Variants in LRRC63 observed in about 807,000 individuals in gnomAD.
LRRC63 encodes leucine-rich repeat-containing protein 63.
A neutral mutation model predicts 49.5 loss-of-function variants in LRRC63; 40 were observed. The ratio of observed to expected loss-of-function variants is 0.81; its 90% CI spans 0.63 to 1.05. The LOEUF is 1.05. Among genes scored for constraint, LRRC63 ranks in the 50% least tolerant of loss-of-function variants. The pLI is 0.00. For missense variants in LRRC63, 636 were observed against 663.1 expected (o/e 0.96, Z 0.45); for synonymous variants, 191 against 221.1 (o/e 0.86, Z 1.21).
intron 7 of LRRC63, among the ~76,000 whole-genome samples, chr13:46,257,823 T>C (rs1258817498): frequency 6.6e-6 from 1 of 152,232 alleles, no homozygotes; most frequent in Non-Finnish European, 1.5e-5. Flanking sequence ...TTGTTTATTT[T>C]GGTGGCTAAG....
At chr13:46,276,542 T>A (rs954900864) in intron 9 of LRRC63, 48 bp from the exon 10 acceptor site, 1 of 946,658 alleles carries the variant, frequency 1.1e-6, no homozygotes, top group Non-Finnish European at 1.4e-6. Flanking sequence ...GCACAGAGTC[T>A]TTAGTAAAAA....
At chr13:46,246,863 ATAATTCTATAAT>A (rs2047228070) in intron 6 of LRRC63, among the ~76,000 whole-genome samples, 1 of 152,134 alleles carries the variant, frequency 6.6e-6, no homozygotes, top group Admixed American at 6.6e-5. Flanking sequence ...ATGTGTTCTC[ATAATTCTATAAT>A]GTATATTAAA....
At chr13:46,255,302 G>A (rs1423714190) in intron 7 of LRRC63, among the ~76,000 whole-genome samples, 1 of 152,070 alleles carries the variant, frequency 6.6e-6, no homozygotes, top group Non-Finnish European at 1.5e-5. Context: ...CTGTTCAATG[G>A]ATATAGAGTT....
chr13:46,255,917 C>T (rs2047500789), intron 7 of LRRC63, among the ~76,000 whole-genome samples: 1 of 152,198 alleles, frequency 6.6e-6, no homozygotes, highest in East Asian at 1.9e-4. Flanking sequence ...ACATCATAGA[C>T]TTATTTCACC....
chr13:46,226,615 T>C (rs2046583663), intron 2 of LRRC63, among the ~76,000 whole-genome samples: 1 of 152,180 alleles, frequency 6.6e-6, no homozygotes, highest in Admixed American at 6.5e-5. Flanking sequence ...TGGTTTGAGA[T>C]AGGGGACATC....
At chr13:46,222,241 G>C (rs1277493648) in intron 2 of LRRC63, among the ~76,000 whole-genome samples, 3 of 151,828 alleles carry the variant, frequency 2.0e-5, no homozygotes, top group African/African-American at 7.3e-5. Context: ...GTTGTTTGAG[G>C]TCCTTGTATA....
chr13:46,254,036 T>C lies in LRRC63; in HGVS notation c.1226+3545T>C, dbSNP rs377494585. Among the ~76,000 whole-genome samples the C allele has an allele frequency of 1.8e-4, 27 of 152,164 alleles. 2 individuals are homozygous for C. Among genetic ancestry groups the C allele is most frequent in the Admixed American group, 1.2e-3 (19 of 15,260 alleles). On this transcript the variant is annotated intron_variant, in intron 7 of 9. Transcript: ENST00000595396. ...TGCATAAAGAGAACCAAGAGTATCA[T>C]GGAAGCCAGGGAAGTGGATTATTTT...
intron 3 of LRRC63, 111 bp from the exon 4 acceptor site, chr13:46,228,554 A>C: frequency 1.4e-6 from 1 of 690,836 alleles, no homozygotes; most frequent in Non-Finnish European, 2.5e-6. Context: ...ATATATTTTC[A>C]TGGATAATTG....
chr13:46,261,084 C>G (rs2047606493), intron 7 of LRRC63, among the ~76,000 whole-genome samples: 1 of 152,166 alleles, frequency 6.6e-6, no homozygotes, highest in Non-Finnish European at 1.5e-5. Flanking sequence ...CCATCCAACC[C>G]CTAGGAGTCA....
At chr13:46,238,579 A>T (rs1440647772) in intron 5 of LRRC63, among the ~76,000 whole-genome samples, 2 of 152,318 alleles carry the variant, frequency 1.3e-5, no homozygotes, top group South Asian at 4.1e-4. Flanking sequence ...GACGATAAGC[A>T]AGCATGTGCA....
chr13:46,237,180 G>A (rs1001429273), intron 5 of LRRC63, among the ~76,000 whole-genome samples: 11 of 152,162 alleles, frequency 7.2e-5, no homozygotes, highest in African/African-American at 2.4e-4. Flanking sequence ...GGGCAAAAAT[G>A]TAAAGGCAGT....
chr13:46,276,759 A>G lies in LRRC63; in HGVS notation c.1720A>G (p.Ser574Gly), dbSNP rs561623334. The G allele has an allele frequency of 1.9e-4, 231 of 1,223,140 alleles. 2 individuals carry two copies. In the South Asian group the frequency reaches 7.8e-3, roughly 41 times the overall value. The allele number at this position is 1,223,140 out of a possible 1,614,324, so 75.8% of individuals were successfully genotyped here. Residue 574 changes from serine to glycine, a missense_variant, in exon 10 of 10, where the codon AGT (serine) becomes GGT (glycine). Physicochemically the swap from Ser to Gly is moderately conservative, Grantham distance 56. Coordinates refer to ENST00000595396, the Ensembl canonical transcript of LRRC63. Reference sequence around the variant, plus strand: ...CAGTTTTGTTTTAGATGGTAGTCCTAGTAGAAGAATAGCTCTAGATGTGGA... The same window carrying G: ...CAGTTTTGTTTTAGATGGTAGTCCTGGTAGAAGAATAGCTCTAGATGTGGA...
chr13:46,224,330 T>C (rs990249789), intron 2 of LRRC63, among the ~76,000 whole-genome samples: 2 of 152,186 alleles, frequency 1.3e-5, no homozygotes, highest in Admixed American at 1.3e-4. Flanking sequence ...TTCTTCTGCC[T>C]GATCTAGTCT....
chr13:46,242,287 G>A (rs1470946422), intron 5 of LRRC63, among the ~76,000 whole-genome samples: 1 of 152,088 alleles, frequency 6.6e-6, no homozygotes, highest in Non-Finnish European at 1.5e-5. Context: ...ACACATAGAG[G>A]GGAACAATAC....
intron 4 of LRRC63, among the ~76,000 whole-genome samples, chr13:46,232,669 G>GTAT (rs2046798096): frequency 6.6e-6 from 1 of 151,918 alleles, no homozygotes; most frequent in Non-Finnish European, 1.5e-5. Context: ...GAGAGAGGGC[G>GTAT]TATTATCCAG....
chr13:46,242,475 T>C (rs1223490223), intron 5 of LRRC63, among the ~76,000 whole-genome samples: 1 of 151,792 alleles, frequency 6.6e-6, no homozygotes, highest in Non-Finnish European at 1.5e-5. Context: ...AAGCTAAATT[T>C]AGAAAAAAAA....
intron 2 of LRRC63, among the ~76,000 whole-genome samples, chr13:46,220,102 C>T (rs2046361885): frequency 6.6e-6 from 1 of 152,238 alleles, no homozygotes; most frequent in Admixed American, 6.5e-5. Flanking sequence ...CTTGAGGAGG[C>T]AGTCTGTCCC....
At chr13:46,258,542 G>T (rs755197975) in intron 7 of LRRC63, among the ~76,000 whole-genome samples, 2 of 149,986 alleles carry the variant, frequency 1.3e-5, no homozygotes, top group East Asian at 2.0e-4. Flanking sequence ...GGGCATGGTG[G>T]CTCACGCCTG....
intron 5 of LRRC63, among the ~76,000 whole-genome samples, chr13:46,243,268 G>GT (rs982237006): frequency 4.6e-5 from 7 of 152,226 alleles, no homozygotes; most frequent in Non-Finnish European, 1.0e-4. Context: ...ATTATAACAT[G>GT]TTTTTTGTAA....
Sources: gnomAD v4.1 joint callset for allele counts (sites outside exome capture counted in the v4.1 genomes callset) on GRCh38, gnomAD v4.1.1 for gene constraint, MANE v1.5 for transcripts, NCBI Gene and HGNC (gene_info 2026-07-23, HGNC 2026-07-21) for gene names.